ZNF30: variants seen among roughly 807,000 people sequenced by gnomAD.
ZNF30 encodes zinc finger protein 30 (KOX 28).
In ZNF30, 15 loss-of-function variants were observed where a neutral mutation model predicts 13.2. That is an observed-to-expected ratio of 1.13 (90% CI 0.76 to 1.75). The LOEUF (loss-of-function observed/expected upper bound fraction) is 1.75. Among genes scored for constraint, ZNF30 ranks in the 40% most tolerant of loss-of-function variants. The pLI, the probability that ZNF30 is intolerant of heterozygous loss-of-function variation, is 0.00. For synonymous variants in ZNF30, 223 were observed against 256.6 expected (o/e 0.87, Z 1.25); for missense variants, 726 against 757.0 (o/e 0.96, Z 0.48).
At chr19:34,937,934 T>G (rs1022729330) in intron 4 of ZNF30, among the ~76,000 whole-genome samples, 3 of 152,156 alleles carry the variant, frequency 2.0e-5, no homozygotes, top group Admixed American at 6.5e-5. Context: ...TAGCTGGGAC[T>G]ACAGGCGCCT....
At chr19:34,926,799 G>T, upstream of ZNF30, 1 of 395,292 alleles carries the variant, frequency 2.5e-6, no homozygotes, top group Non-Finnish European at 4.5e-6. Context: ...GGTGTCAGAC[G>T]CCCCAGCTTC....
chr19:34,924,699 T>C (rs1025998818), upstream of ZNF30, among the ~76,000 whole-genome samples: 1 of 152,232 alleles, frequency 6.6e-6, no homozygotes, highest in Non-Finnish European at 1.5e-5. Context: ...ACTCCAGGTC[T>C]ATCACCTTCT....
chr19:34,939,218 G>C (rs2012913913), intron 4 of ZNF30, among the ~76,000 whole-genome samples: 1 of 146,912 alleles, frequency 6.8e-6, no homozygotes. Flanking sequence ...GTCTTGCTCT[G>C]TCGCCTAGGC....
At chr19:34,925,494 C>G (rs2012036432), upstream of ZNF30, among the ~76,000 whole-genome samples, 1 of 152,220 alleles carries the variant, frequency 6.6e-6, no homozygotes, top group African/African-American at 2.4e-5. Context: ...CGCGTGCCAG[C>G]GTCTGTCATG....
intron 2 of ZNF30, among the ~76,000 whole-genome samples, chr19:34,930,812 A>G (rs933831768): frequency 6.6e-6 from 1 of 152,090 alleles, no homozygotes; most frequent in African/African-American, 2.4e-5. Flanking sequence ...GCAGTGAGCT[A>G]TGGTCATAGC....
At chr19:34,924,194 C>T (rs575290444), upstream of ZNF30, among the ~76,000 whole-genome samples, 23 of 152,146 alleles carry the variant, frequency 1.5e-4, no homozygotes, top group South Asian at 1.0e-3. Flanking sequence ...AGTAAGATTG[C>T]GATCCTTAGC....
At chr19:34,930,163 G>A (rs1006734210) in intron 2 of ZNF30, among the ~76,000 whole-genome samples, 21 of 152,130 alleles carry the variant, frequency 1.4e-4, no homozygotes, top group African/African-American at 4.3e-4. Flanking sequence ...AGCAAGTTAC[G>A]AAGCAGGTAA....
At position 34,944,333 on chromosome 19, in the gene ZNF30, A is replaced by G. The variant is rs892776077; in HGVS notation, c.1367A>G (p.Tyr456Cys). ...AGGGTTCATACTGGAGAGAAACCCT[A>G]TGAGTGTAAGGAATGTGGCAAGGCC... ...HQRVHTGEKP[Y>C]ECKECGKAFR... is the part of the protein sequence containing the mutation. The change falls in exon 5 of 5, where the codon TAT becomes TGT. Residue 456 changes from tyrosine (Y) to cysteine (C), a missense_variant. Transcript: ENST00000601142. The G allele has an allele frequency of 6.8e-6, 11 of 1,613,956 alleles. No homozygotes were observed. Among genetic ancestry groups the G allele is most frequent in the African/African-American group, 2.7e-5 (2 of 74,882 alleles).
chr19:34,933,545 C>A, intron 3 of ZNF30, 83 bp from the exon 4 acceptor site: 1 of 1,038,926 alleles, frequency 9.6e-7, no homozygotes, highest in Non-Finnish European at 1.4e-6. Context: ...TTTGACCTTT[C>A]ATTTATGGCA....
intron 4 of ZNF30, among the ~76,000 whole-genome samples, chr19:34,940,367 T>C (rs1380864129): frequency 6.6e-6 from 1 of 152,176 alleles, no homozygotes; most frequent in Non-Finnish European, 1.5e-5. Context: ...TCTGTTCTTT[T>C]ATTTCAAATA....
In ZNF30 at chr19:34,944,329, C is replaced by CATA; in HGVS notation, c.1363_1364insATA (p.Pro455delinsHisThr). 6.2e-7 allele frequency: 1 copy of CATA among 1,614,082 alleles called. No individual in the cohort carries two copies. The highest frequency in any genetic ancestry group is 8.5e-7 in the Non-Finnish European group (1 of 1,180,026). On this transcript the variant is annotated protein_altering_variant, in exon 5 of 5. Transcript: ENST00000601142. ...TCAAAGGGTTCATACTGGAGAGAAA[C>CATA]CCTATGAGTGTAAGGAATGTGGCAA...
chr19:34,943,356 T>A lies in ZNF30; in HGVS notation c.390T>A (p.Cys130Ter). The A allele has an allele frequency of 1.2e-5, 20 of 1,614,002 alleles. No homozygotes were observed. The highest frequency in any genetic ancestry group is 1.7e-5 in the Non-Finnish European group (20 of 1,179,890). Residue 130 changes from cysteine to a stop codon, truncating the protein, a stop_gained, in exon 5 of 5, where the codon TGT becomes TGA. Coordinates refer to ENST00000601142, the MANE Select transcript of ZNF30 (RefSeq NM_194325.3). LOFTEE classifies it low-confidence loss of function (END_TRUNC). ...RECQEYGKTL[C>*]QDSKPVQHER... is the part of the protein sequence containing the mutation. The stretch of plus-strand genomic sequence containing the variant: ...GTCAGGAATATGGAAAGACCCTTTG[T>A]CAAGACTCAAAGCCTGTTCAACATG...
At chr19:34,924,955 C>G (rs2012010523), upstream of ZNF30, among the ~76,000 whole-genome samples, 1 of 152,166 alleles carries the variant, frequency 6.6e-6, no homozygotes. Flanking sequence ...AGGGAAAATC[C>G]TAACTATTGA....
Position 34,943,445 on chromosome 19 carries a change from G to A in ZNF30, c.479G>A (p.Gly160Glu). The change falls in exon 5 of 5, where the codon GGA (glycine) becomes GAA (glutamate). Residue 160 changes from glycine to glutamate, a missense_variant. Transcript: ENST00000601142. ...CKECGKNFSNGHQLTIHQRLH... is the reference protein window; with the variant it reads ...CKECGKNFSNEHQLTIHQRLH... ...GAATGTGGGAAGAACTTTAGTAATG[G>A]ACATCAACTCACCATACATCAGAGA... The A allele has an allele frequency of 6.2e-7, 1 of 1,613,858 alleles. No homozygotes were observed. The highest frequency in any genetic ancestry group is 1.6e-4 in the Middle Eastern group (1 of 6,062).
At chr19:34,925,554 G>A (rs1301381640), upstream of ZNF30, among the ~76,000 whole-genome samples, 1 of 152,152 alleles carries the variant, frequency 6.6e-6, no homozygotes, top group African/African-American at 2.4e-5. Context: ...TTGTGTGTCT[G>A]CTTGCTAGGG....
intron 4 of ZNF30, among the ~76,000 whole-genome samples, chr19:34,940,018 T>C (rs1568542280): frequency 6.6e-6 from 1 of 152,232 alleles, no homozygotes; most frequent in Admixed American, 6.5e-5. Flanking sequence ...AAGTAAGTTT[T>C]CTCTTTGTTC....
In ZNF30 at chr19:34,933,636, C is replaced by T. The variant is rs973304405; in HGVS notation, c.169C>T (p.Arg57Cys). 7.5e-6 allele frequency: 12 copies of T among 1,596,328 alleles called. No homozygotes were observed. The highest frequency in any genetic ancestry group is 5.4e-5 in the African/African-American group (4 of 74,596). Residue 57 changes from arginine (R) to cysteine (C), a missense_variant, in exon 4 of 5, where the codon CGT (arginine) becomes TGT (cysteine). By Grantham distance (180) the Arg-to-Cys change is radical (BLOSUM62 -3). Coordinates refer to ENST00000601142, the MANE Select transcript of ZNF30 (RefSeq NM_194325.3). ...TCTTATCTCATAAGCAGGACATTCC[C>T]GTTCTAAACCACATGTGATCGCCTT... ...YRNLVSMGHS[R>C]SKPHVIALLE...
rs770348565 is a variant in ZNF30, at chr19:34,933,656, C to T, written c.189C>T (p.Ile63=). 1.2e-5 allele frequency: 20 copies of T among 1,601,354 alleles called. No homozygotes were observed. The East Asian group carries it at 2.0e-4, about 16-fold the overall frequency. The change falls in exon 4 of 5, where the codon ATC becomes ATT. Residue 63 remains isoleucine, a synonymous_variant. Coordinates refer to ENST00000601142, the MANE Select transcript of ZNF30 (RefSeq NM_194325.3). ...MGHSRSKPHV[I]ALLEQWKEPE... ...ATTCCCGTTCTAAACCACATGTGAT[C>T]GCCTTATTGGAACAATGGAAAGAGC...
chr19:34,937,504 G>A (rs2012803989), intron 4 of ZNF30, among the ~76,000 whole-genome samples: 3 of 152,048 alleles, frequency 2.0e-5, no homozygotes, highest in Non-Finnish European at 1.5e-5. Flanking sequence ...GACAAGGCAG[G>A]GGGAATCACT....
Sources: gnomAD v4.1 joint callset for allele counts (sites outside exome capture counted in the v4.1 genomes callset) on GRCh38, gnomAD v4.1.1 for gene constraint, MANE v1.5 for transcripts, NCBI Gene and HGNC (gene_info 2026-07-23, HGNC 2026-07-21) for gene names.